TWF1: variants seen among roughly 807,000 people sequenced by gnomAD.
The protein encoded by TWF1 is twinfilin actin binding protein 1.
In TWF1, 14 loss-of-function variants were observed where a neutral mutation model predicts 47.9. The observed-to-expected ratio is 0.29, with a 90% CI of 0.19 to 0.46. TWF1 has a LOEUF of 0.46. Ranked by LOEUF, TWF1 falls within the 20% of genes least tolerant of loss-of-function variation. The pLI is 1.00. For missense variants in TWF1, 281 were observed against 409.3 expected (o/e 0.69, Z 2.70); for synonymous variants, 96 against 139.2 (o/e 0.69, Z 2.18).
chr12:43,801,778 C>T lies in TWF1; in HGVS notation c.282+508G>A, dbSNP rs1041851332. On this transcript the variant is annotated intron_variant, in intron 3 of 8. Coordinates refer to ENST00000395510, the MANE Select transcript of TWF1 (RefSeq NM_002822.5). ...GACACAGTGGCTCATACCTGTAATC[C>T]CAGCACTTTGGGAGGCCGAGGTGGG... 1.8e-4 allele frequency among the ~76,000 whole-genome samples: 27 copies of T among 152,206 alleles called. 1 individual carries two copies. Among genetic ancestry groups the T allele is most frequent in the African/African-American group, 4.8e-4 (20 of 41,524 alleles).
chr12:43,800,725 G>A (rs950887835), intron 3 of TWF1, among the ~76,000 whole-genome samples, 195 bp from the exon 4 acceptor site: 1 of 152,152 alleles, frequency 6.6e-6, no homozygotes, highest in African/African-American at 2.4e-5. Context: ...TCAATGGTTA[G>A]TAAGATGGAC....
intron 1 of TWF1, 96 bp downstream of exon 1, chr12:43,806,125 C>T (rs1592283919): frequency 2.0e-6 from 3 of 1,526,898 alleles, no homozygotes; most frequent in African/African-American, 1.4e-5. Flanking sequence ...TCCGGAGCTC[C>T]CGGCCCGACT....
intron 6 of TWF1, 121 bp downstream of exon 6, chr12:43,797,587 C>A (rs1168346212): frequency 7.0e-7 from 1 of 1,427,654 alleles, no homozygotes; most frequent in African/African-American, 1.4e-5. Context: ...TGAACATTTA[C>A]AAAATGAATT....
chr12:43,806,147 G>C (rs1180511899), intron 1 of TWF1, 74 bp downstream of exon 1: 1 of 1,531,772 alleles, frequency 6.5e-7, no homozygotes, highest in Non-Finnish European at 8.7e-7. Flanking sequence ...CAGCCCTGCC[G>C]GTCCTGCAGC....
At chr12:43,802,263 C>G in intron 3 of TWF1, 23 bp downstream of exon 3, 4 of 1,468,004 alleles carry the variant, frequency 2.7e-6, no homozygotes, top group Non-Finnish European at 3.6e-6. Context: ...TAATGTTAAA[C>G]AAACTATAAA....
Position 43,795,579 on chromosome 12 carries a change from A to G in TWF1, c.*6T>C, listed in dbSNP as rs1942534153. 2 of 1,610,702 alleles carry G rather than the reference A, an allele frequency of 1.2e-6. No individual in the cohort carries two copies. Among genetic ancestry groups the G allele is most frequent in the African/African-American group, 2.7e-5 (2 of 74,712 alleles). ...AACTAGTATTACAATGTTTAATGTGATGACTTTAATCAGTAGTAGCTTCAG... is the reference window on the plus strand; with the variant it reads ...AACTAGTATTACAATGTTTAATGTGGTGACTTTAATCAGTAGTAGCTTCAG... On this transcript the variant is annotated 3_prime_UTR_variant, in exon 9 of 9. Transcript: ENST00000395510.
Position 43,798,606 on chromosome 12 carries a change from AAACT to A in TWF1, c.484-777_484-774del, listed in dbSNP as rs1592277770. The A allele has an allele frequency of 6.6e-6, 10 of 1,512,524 alleles. No homozygotes were observed. The East Asian group carries it at 2.5e-4, about 37-fold the overall frequency. 93.7% of individuals were successfully genotyped at this position (1,512,524 alleles called of 1,614,324 possible). On this transcript the variant is annotated intron_variant, in intron 5 of 8. Coordinates refer to ENST00000395510, the MANE Select transcript of TWF1 (RefSeq NM_002822.5). Reference sequence around the variant, plus strand: ...GGGCTCTGATTGCAAGAAATAAAACAAACTATCAAACTCGTAAAAAAAAAAAAAA... The same window carrying A: ...GGGCTCTGATTGCAAGAAATAAAACAATCAAACTCGTAAAAAAAAAAAAAA...
At chr12:43,806,003 C>G in intron 1 of TWF1, 2 of 1,529,668 alleles carry the variant, frequency 1.3e-6, no homozygotes, top group Non-Finnish European at 1.8e-6. Context: ...TCGGATCAAT[C>G]TGCAACGTGA....
chr12:43,802,061 A>G (rs111771385), intron 3 of TWF1, among the ~76,000 whole-genome samples: 22 of 152,136 alleles, frequency 1.4e-4, no homozygotes, highest in Non-Finnish European at 2.4e-4. Context: ...CATTGCCACA[A>G]ATTTTTAAAT....
chr12:43,804,390 C>T (rs1005772759), intron 2 of TWF1, 105 bp downstream of exon 2: 19 of 751,840 alleles, frequency 2.5e-5, no homozygotes, highest in African/African-American at 5.4e-5. Context: ...TTTGAACTTG[C>T]TTCATATTAA....
chr12:43,800,940 C>T (rs1051548824), intron 3 of TWF1, among the ~76,000 whole-genome samples: 2 of 152,028 alleles, frequency 1.3e-5, no homozygotes, highest in South Asian at 2.1e-4. Flanking sequence ...TTAGTACAGA[C>T]GGGCTTTCAC....
In TWF1 at chr12:43,802,737, G is replaced by C. The variant is rs865892967; in HGVS notation, c.104-273C>G. Reference sequence around the variant, plus strand: ...ATGATCATAACAGTTGAACTGAATGGTCAAATAATGTAATGACCTATAACA... The same window carrying C: ...ATGATCATAACAGTTGAACTGAATGCTCAAATAATGTAATGACCTATAACA... On this transcript the variant is annotated intron_variant, in intron 2 of 8. Transcript: ENST00000395510. 1.4e-4 allele frequency among the ~76,000 whole-genome samples: 21 copies of C among 152,174 alleles called. No homozygotes were observed. In the Middle Eastern group the frequency reaches 0.01, roughly 74 times the overall value.
At chr12:43,802,193 T>G in intron 3 of TWF1, 93 bp downstream of exon 3, 1 of 804,426 alleles carries the variant, frequency 1.2e-6, no homozygotes, top group Non-Finnish European at 1.9e-6. Flanking sequence ...CTATGGGAAA[T>G]AATTATTGTT....
chr12:43,804,309 C>A (rs767014386), intron 2 of TWF1, 186 bp downstream of exon 2: 33 of 588,062 alleles, frequency 5.6e-5, no homozygotes, highest in Non-Finnish European at 9.7e-5. Context: ...CTGATAGTCA[C>A]ATAATTCAGA....
At chr12:43,798,317 A>C (rs1942592539) in intron 5 of TWF1, among the ~76,000 whole-genome samples, 1 of 152,128 alleles carries the variant, frequency 6.6e-6, no homozygotes, top group South Asian at 2.1e-4. Context: ...CAGAAGTTCC[A>C]GACTTAAGAG....
chr12:43,802,852 T>C (rs1292700617), intron 2 of TWF1, among the ~76,000 whole-genome samples: 3 of 152,194 alleles, frequency 2.0e-5, no homozygotes, highest in Non-Finnish European at 2.9e-5. Context: ...ATTTCTGACA[T>C]TAACAATGAA....
rs369076270 is a variant in TWF1 at position 43,797,241 on chromosome 12, T to C, written c.760+61A>G. 1.2e-4 allele frequency: 182 copies of C among 1,505,230 alleles called. No individual in the cohort carries two copies. In the Middle Eastern group the frequency reaches 2.4e-3, roughly 20 times the overall value. 93.2% of individuals were successfully genotyped at this position (1,505,230 alleles called of 1,614,324 possible). A position where few individuals can be genotyped will look rare whatever the true frequency, so the allele number is the denominator to read the frequency against. ...TCTGGGCAAGAAATAAGTAAGAATA[T>C]AGGGCTGATACACCAATAAACAAAC... On this transcript the variant is annotated intron_variant, in intron 7 of 8. Transcript: ENST00000395510.
In TWF1 at chr12:43,794,781, T is replaced by C. The variant is rs1274690590; in HGVS notation, c.*804A>G. The C allele has an allele frequency of 2.0e-5, 3 of 152,308 alleles. No homozygotes were observed. The highest frequency in any genetic ancestry group is 3.8e-4 in the East Asian group (2 of 5,204). The allele number at this position is 152,308 out of a possible 1,614,324, so 9.4% of individuals were successfully genotyped here. The stretch of plus-strand genomic sequence containing the variant: ...AGTGATAAAGAACACAATTTGCCCA[T>C]AAATGTATGGTTTTGGAGAAAAAAG... On this transcript the variant is annotated 3_prime_UTR_variant, in exon 9 of 9. Coordinates refer to ENST00000395510, the MANE Select transcript of TWF1 (RefSeq NM_002822.5).
intron 1 of TWF1, chr12:43,805,993 T>G (rs1294011419): frequency 6.5e-7 from 1 of 1,534,048 alleles, no homozygotes; most frequent in African/African-American, 1.4e-5. Context: ...CCCCCGAATT[T>G]CGGATCAATC....
Sources: gnomAD v4.1 joint callset for allele counts (sites outside exome capture counted in the v4.1 genomes callset) on GRCh38, gnomAD v4.1.1 for gene constraint, MANE v1.5 for transcripts, NCBI Gene and HGNC (gene_info 2026-07-23, HGNC 2026-07-21) for gene names.